The following REDIC1 variants were observed in gnomAD, a reference collection of about 807,000 sequenced individuals.
The protein encoded by REDIC1 is HEI10 Interacting Protein 1.
the REDIC1 span, among the ~76,000 whole-genome samples, chr12:39,776,333 C>T: frequency 6.6e-6 from 1 of 152,160 alleles, no homozygotes; most frequent in South Asian, 2.1e-4. Flanking sequence ...TGGTCCCCCT[C>T]GCCACCAAGC....
chr12:39,784,405 C>T, the REDIC1 span, among the ~76,000 whole-genome samples: 21 of 152,048 alleles, frequency 1.4e-4, no homozygotes, highest in Non-Finnish European at 2.9e-4. Context: ...GAACAGAGCC[C>T]GCAGAAATAA....
the REDIC1 span, among the ~76,000 whole-genome samples, chr12:39,727,957 C>T: frequency 6.6e-6 from 1 of 152,054 alleles, no homozygotes; most frequent in Non-Finnish European, 1.5e-5. Flanking sequence ...CTCTGTTTGT[C>T]TATTATTGGT....
chr12:39,744,372 CA>C, the REDIC1 span, among the ~76,000 whole-genome samples: 2 of 152,164 alleles, frequency 1.3e-5, no homozygotes, highest in Middle Eastern at 6.8e-3. Context: ...TTCAGATCTG[CA>C]CAAAAAATGG....
chr12:39,758,358 TA>T, the REDIC1 span: 7 of 151,920 alleles, frequency 4.6e-5, no homozygotes, highest in South Asian at 1.5e-3. Context: ...AGCCAGACAT[TA>T]AAAGAATAGA....
At chr12:39,853,559 TTCTC>T in the REDIC1 span, among the ~76,000 whole-genome samples, 14 of 151,628 alleles carry the variant, frequency 9.2e-5, no homozygotes, top group South Asian at 2.7e-3. Flanking sequence ...CTTTCTTTCT[TTCTC>T]TTTTTCCTTC....
the REDIC1 span, among the ~76,000 whole-genome samples, chr12:39,696,944 G>A: frequency 6.6e-6 from 1 of 152,130 alleles, no homozygotes; most frequent in Non-Finnish European, 1.5e-5. Flanking sequence ...ATAGCCTCAA[G>A]AGGGCAAATC....
At chr12:39,697,447 G>T in the REDIC1 span, among the ~76,000 whole-genome samples, 2 of 152,222 alleles carry the variant, frequency 1.3e-5, no homozygotes, top group South Asian at 4.1e-4. Context: ...ATAATAATAA[G>T]TACACAGAAA....
chr12:39,792,248 G>A, the REDIC1 span, among the ~76,000 whole-genome samples: 7 of 140,172 alleles, frequency 5.0e-5, 1 homozygote, highest in Middle Eastern at 0.01. Flanking sequence ...AGATTTAAAC[G>A]TTAGACCTAA....
At chr12:39,714,270 T>TTTATATGTATATACGTATATACATGC in the REDIC1 span, among the ~76,000 whole-genome samples, 225 of 118,080 alleles carry the variant, frequency 1.9e-3, 38 homozygotes, top group East Asian at 4.1e-3. Context: ...TGCATATATG[T>TTTATATGTATATACGTATATACATGC]ATATATGTAT....
chr12:39,713,618 A>G, the REDIC1 span, among the ~76,000 whole-genome samples: 4 of 148,636 alleles, frequency 2.7e-5, no homozygotes. Flanking sequence ...ATATGTATAT[A>G]CGCATGTATA....
chr12:39,735,433 A>T, the REDIC1 span, among the ~76,000 whole-genome samples: 1 of 152,216 alleles, frequency 6.6e-6, no homozygotes, highest in Admixed American at 6.5e-5. Flanking sequence ...AATGATGTAG[A>T]TTTCCAAGGA....
the REDIC1 span, among the ~76,000 whole-genome samples, chr12:39,888,563 A>G: frequency 6.6e-6 from 1 of 152,186 alleles, no homozygotes; most frequent in Non-Finnish European, 1.5e-5. Flanking sequence ...TTAGCAGGGT[A>G]CCTGTAATTA....
chr12:39,774,011 G>T, the REDIC1 span, among the ~76,000 whole-genome samples: 1 of 152,126 alleles, frequency 6.6e-6, no homozygotes, highest in African/African-American at 2.4e-5. Context: ...TTCTGGACAA[G>T]GTCCCTAAGC....
chr12:39,717,584 T>C, the REDIC1 span, among the ~76,000 whole-genome samples: 3 of 151,982 alleles, frequency 2.0e-5, no homozygotes, highest in Admixed American at 6.6e-5. Flanking sequence ...AGTAGAATGG[T>C]GGGCAGGAGA....
At chr12:39,796,766 T>C in the REDIC1 span, among the ~76,000 whole-genome samples, 1 of 152,178 alleles carries the variant, frequency 6.6e-6, no homozygotes, top group African/African-American at 2.4e-5. Flanking sequence ...CAACTAACAA[T>C]AAGAATGTAG....
chr12:39,699,830 T>C, the REDIC1 span, among the ~76,000 whole-genome samples: 120,278 of 151,758 alleles, frequency 0.79, 48,385 homozygotes, highest in Non-Finnish European at 0.86. Context: ...CAAGCAGTGG[T>C]AGACTGACAC....
At chr12:39,701,724 A>G in the REDIC1 span, among the ~76,000 whole-genome samples, 2 of 152,326 alleles carry the variant, frequency 1.3e-5, no homozygotes, top group South Asian at 2.1e-4. Flanking sequence ...AAGAACAGAA[A>G]CTATAACAAA....
chr12:39,722,957 A>G, the REDIC1 span, among the ~76,000 whole-genome samples: 10 of 152,152 alleles, frequency 6.6e-5, no homozygotes, highest in Non-Finnish European at 8.8e-5. Context: ...GAGTAAAGCA[A>G]TAACAGCTTG....
At chr12:39,735,182 G>T in the REDIC1 span, among the ~76,000 whole-genome samples, 1 of 152,246 alleles carries the variant, frequency 6.6e-6, no homozygotes, top group East Asian at 1.9e-4. Context: ...AGGACTAGGT[G>T]GTGGTCTGAA....
Sources: gnomAD v4.1 joint callset for allele counts (sites outside exome capture counted in the v4.1 genomes callset) on GRCh38, gnomAD v4.1.1 for gene constraint, MANE v1.5 for transcripts, NCBI Gene and HGNC (gene_info 2026-07-23, HGNC 2026-07-21) for gene names.